PRKN: variants seen among roughly 807,000 people sequenced by gnomAD.
The protein encoded by PRKN is E3 ubiquitin-protein ligase parkin.
PRKN carries 56 observed loss-of-function variants against 59.5 expected under a neutral mutation model. The ratio of observed to expected loss-of-function variants is 0.94; its 90% confidence interval spans 0.76 to 1.18. The LOEUF (loss-of-function observed/expected upper bound fraction) is 1.18. PRKN is among the 50% of genes most tolerant of loss of function. The pLI, the probability that PRKN is intolerant of heterozygous loss-of-function variation, is 0.00. For synonymous variants in PRKN, 250 were observed against 222.1 expected (o/e 1.13, Z -1.12); for missense variants, 657 against 596.4 (o/e 1.10, Z -1.06).
intron 2 of PRKN, among the ~76,000 whole-genome samples, chr6:162,308,719 A>G (rs567389227): frequency 1.3e-5 from 2 of 152,278 alleles, no homozygotes; most frequent in East Asian, 3.9e-4. Context: ...CCTTCAGAAG[A>G]AAACACTGAC....
intron 7 of PRKN, among the ~76,000 whole-genome samples, chr6:161,654,023 G>A (rs2128162832): frequency 6.6e-6 from 1 of 152,040 alleles, no homozygotes. Context: ...TTAAAGATGG[G>A]GATCTTGCCA....
At chr6:161,789,266 G>A (rs1790545618) in intron 6 of PRKN, among the ~76,000 whole-genome samples, 1 of 152,176 alleles carries the variant, frequency 6.6e-6, no homozygotes, top group African/African-American at 2.4e-5. Flanking sequence ...AAAGAGGAGG[G>A]GAAAGCTAGT....
At chr6:161,425,748 T>C (rs1464460111) in intron 9 of PRKN, among the ~76,000 whole-genome samples, 1 of 152,092 alleles carries the variant, frequency 6.6e-6, no homozygotes, top group Admixed American at 6.5e-5. Flanking sequence ...AGGAGATGAA[T>C]TTGTCCAAAT....
At chr6:161,862,797 C>T (rs1163487049) in intron 6 of PRKN, among the ~76,000 whole-genome samples, 2 of 152,128 alleles carry the variant, frequency 1.3e-5, no homozygotes, top group Non-Finnish European at 2.9e-5. Context: ...CCAAGTCACA[C>T]AGAAGCAACG....
At position 162,231,280 on chromosome 6, in the gene PRKN, A is replaced by C. The variant is rs187209505; in HGVS notation, c.413-30028T>G. Among the ~76,000 whole-genome samples, 379 of 152,324 alleles carry C rather than the reference A, an allele frequency of 2.5e-3. 1 individual carries two copies. The highest frequency in any genetic ancestry group is 4.6e-3 in the Non-Finnish European group (311 of 68,030). ...ATACTAACATTTCTCAATGTTTATA[A>C]AGAAAATTTACTTTCTGAAAGGGAA... On this transcript the variant is annotated intron_variant, in intron 3 of 11. Coordinates refer to ENST00000366898, the MANE Select transcript of PRKN (RefSeq NM_004562.3).
intron 2 of PRKN, among the ~76,000 whole-genome samples, chr6:162,298,114 T>A (rs77395491): frequency 0.057 from 8,628 of 151,890 alleles, 323 homozygotes; most frequent in Middle Eastern, 0.14. Flanking sequence ...TCCTGCAACC[T>A]CCAGTTGGGT....
At chr6:162,700,283 A>C (rs969784152) in intron 1 of PRKN, among the ~76,000 whole-genome samples, 1 of 152,208 alleles carries the variant, frequency 6.6e-6, no homozygotes, top group South Asian at 2.1e-4. Flanking sequence ...GGTAGAAAAG[A>C]AGCTTTGTCC....
chr6:162,501,324 T>C (rs1793358943), intron 1 of PRKN, among the ~76,000 whole-genome samples: 1 of 151,156 alleles, frequency 6.6e-6, no homozygotes, highest in Non-Finnish European at 1.5e-5. Flanking sequence ...ATCTTTAAAC[T>C]TCATTATGTT....
chr6:162,144,531 C>T (rs987170195), intron 4 of PRKN, among the ~76,000 whole-genome samples: 11 of 152,104 alleles, frequency 7.2e-5, no homozygotes, highest in African/African-American at 1.4e-4. Context: ...TGCTCCGAGC[C>T]TTCCTGGGAG....
rs115434229 is a variant in PRKN, at chr6:162,040,101, C to T, written c.618+13990G>A. Among the ~76,000 whole-genome samples the T allele has an allele frequency of 8.8e-3, 1,337 of 152,188 alleles. 23 individuals carry two copies. Among genetic ancestry groups the T allele is most frequent in the African/African-American group, 0.031 (1,272 of 41,500 alleles). ...CTGAAAGCTCACTTGTTCTCAAACA[C>T]GATGGTTGTCGATGCAAAGACTCAA... On this transcript the variant is annotated intron_variant, in intron 5 of 11. Transcript: ENST00000366898.
At chr6:162,008,943 T>C (rs1038971231) in intron 5 of PRKN, among the ~76,000 whole-genome samples, 2 of 151,664 alleles carry the variant, frequency 1.3e-5, no homozygotes, top group Admixed American at 6.6e-5. Flanking sequence ...AAATAAACTA[T>C]GTAAAAAGGA....
chr6:162,512,185 T>G lies in PRKN; in HGVS notation c.8-68712A>C, dbSNP rs1373130045. On this transcript the variant is annotated intron_variant, in intron 1 of 11. Transcript: ENST00000366898. ...TTACTATCATCACTTTCCTTACAGCTTCTCCTTACTAAAAATGGGTTGTGT... is the reference window on the plus strand; with the variant it reads ...TTACTATCATCACTTTCCTTACAGCGTCTCCTTACTAAAAATGGGTTGTGT... 1.3e-5 allele frequency among the ~76,000 whole-genome samples: 2 copies of G among 152,160 alleles called. 1 individual carries two copies. Among genetic ancestry groups the G allele is most frequent in the Admixed American group, 1.3e-4 (2 of 15,270 alleles).
intron 6 of PRKN, among the ~76,000 whole-genome samples, chr6:161,819,302 A>G (rs556117252): frequency 7.8e-4 from 118 of 152,110 alleles, no homozygotes; most frequent in Non-Finnish European, 1.2e-4. Flanking sequence ...GCCAGCCTGG[A>G]CAACATGGTG....
intron 1 of PRKN, among the ~76,000 whole-genome samples, chr6:162,623,879 G>A (rs1208787688): frequency 6.6e-6 from 1 of 152,114 alleles, no homozygotes; most frequent in African/African-American, 2.4e-5. Context: ...AAGGCTGAAG[G>A]TGGGGGCAGA....
intron 6 of PRKN, among the ~76,000 whole-genome samples, chr6:161,971,876 G>GACA (rs1365496282): frequency 6.6e-5 from 10 of 152,294 alleles, no homozygotes; most frequent in Non-Finnish European, 7.4e-5. Context: ...GCCAGAGAGA[G>GACA]ACAACACTTA....
intron 1 of PRKN, among the ~76,000 whole-genome samples, chr6:162,478,105 C>T (rs754410395): frequency 6.6e-6 from 1 of 152,090 alleles, no homozygotes; most frequent in Non-Finnish European, 1.5e-5. Context: ...CCACAGTCTC[C>T]CATATAGGAG....
chr6:161,701,699 T>A (rs970002385), intron 7 of PRKN, among the ~76,000 whole-genome samples: 1 of 152,210 alleles, frequency 6.6e-6, no homozygotes, highest in East Asian at 1.9e-4. Context: ...GTCCAAATTC[T>A]GTCCAAGGTA....
chr6:162,009,110 G>T (rs1024445657), intron 5 of PRKN, among the ~76,000 whole-genome samples: 1 of 151,718 alleles, frequency 6.6e-6, no homozygotes, highest in South Asian at 2.1e-4. Flanking sequence ...AAAATTAGCC[G>T]GGTGTGGTGG....
intron 7 of PRKN, among the ~76,000 whole-genome samples, chr6:161,630,660 G>A (rs956803198): frequency 6.6e-6 from 1 of 152,036 alleles, no homozygotes; most frequent in Non-Finnish European, 1.5e-5. Flanking sequence ...GGCGCTCTCT[G>A]GATACCCTCT....
Sources: allele counts gnomAD v4.1 joint callset (sites outside exome capture counted in the v4.1 genomes callset), GRCh38; gene constraint gnomAD v4.1.1; transcripts MANE v1.5; gene names NCBI Gene and HGNC (gene_info 2026-07-23, HGNC 2026-07-21).